MAPK6: variants seen among roughly 807,000 people sequenced by gnomAD.
The protein encoded by MAPK6 is mitogen-activated protein kinase 6.
In MAPK6, 19 loss-of-function variants were observed where a neutral mutation model predicts 59.3. The observed-to-expected ratio is 0.32, with a 90% CI of 0.22 to 0.47. The LOEUF (loss-of-function observed/expected upper bound fraction) is 0.47, where lower values mean the gene tolerates loss of function less well. Among genes scored for constraint, MAPK6 ranks in the 20% least tolerant of loss-of-function variants. The probability of loss-of-function intolerance (pLI) is 1.00; values close to 1 mark genes in which losing one functional copy is unlikely to be tolerated. For synonymous variants in MAPK6, 316 were observed against 290.3 expected (o/e 1.09, Z -0.90); for missense variants, 724 against 847.9 (o/e 0.85, Z 1.81).
rs375131138 is a variant in MAPK6 at position 52,064,000 on chromosome 15, C to T, written c.1166C>T (p.Thr389Ile). 3.3e-5 allele frequency: 54 copies of T among 1,613,548 alleles called. No homozygotes were observed. The highest frequency in any genetic ancestry group is 4.3e-5 in the Non-Finnish European group (51 of 1,179,736). Residue 389 changes from threonine (T) to isoleucine (I), a missense_variant, in exon 6 of 6, where the codon ACT becomes ATT. Transcript: ENST00000261845. The part of the protein sequence containing the change: ...QLDPRALSDV[T>I]DEEEVQVDPR... Reference sequence around the variant, plus strand: ...GATCCAAGAGCTCTGTCCGATGTCACTGATGAAGAAGAAGTACAAGTTGAT... The same window carrying T: ...GATCCAAGAGCTCTGTCCGATGTCATTGATGAAGAAGAAGTACAAGTTGAT...
At chr15:52,042,966 A>C (rs1379230546) in intron 1 of MAPK6, 1 of 152,154 alleles carries the variant, frequency 6.6e-6, no homozygotes, top group African/African-American at 2.4e-5. Flanking sequence ...TCTTCAAAAA[A>C]TACAAAAATT....
rs1177427147 is a variant in MAPK6, at chr15:52,066,820, G to C, written c.*1820G>C. The C allele has an allele frequency of 6.7e-6, 1 of 148,536 alleles. No individual in the cohort carries two copies. The highest frequency in any genetic ancestry group is 1.5e-5 in the Non-Finnish European group (1 of 67,064). 9.2% of individuals were successfully genotyped at this position (148,536 alleles called of 1,614,324 possible). A position where few individuals can be genotyped will look rare whatever the true frequency, so the allele number is the denominator to read the frequency against. ...TATATATTCATTTATTTATTTTCTG[G>C]TTGAATACTGTCACGTTATTAATTT... On this transcript the variant is annotated 3_prime_UTR_variant, in exon 6 of 6. Coordinates refer to ENST00000261845, the MANE Select transcript of MAPK6 (RefSeq NM_002748.4).
intron 1 of MAPK6, among the ~76,000 whole-genome samples, chr15:52,025,008 C>T (rs527313048): frequency 2.0e-5 from 3 of 150,346 alleles, no homozygotes; most frequent in East Asian, 2.0e-4. Flanking sequence ...TCATTCAGTG[C>T]GCATTCAGTT....
rs374025606 is a variant in MAPK6 at position 52,055,043 on chromosome 15, G to A, written c.701-3590G>A. On this transcript the variant is annotated intron_variant, in intron 3 of 5. Transcript: ENST00000261845. ...GATCTGTGTGCCTTGGCCTCCCACA[G>A]TGCTGGGATTACAGGCAAGAGCCAC... Among the ~76,000 whole-genome samples, 371 of 152,318 alleles carry A rather than the reference G, an allele frequency of 2.4e-3. 3 individuals carry two copies. The highest frequency in any genetic ancestry group is 8.6e-3 in the African/African-American group (359 of 41,582).
intron 2 of MAPK6, among the ~76,000 whole-genome samples, chr15:51,996,207 G>A (rs562264850): frequency 2.6e-5 from 4 of 152,034 alleles, no homozygotes; most frequent in Admixed American, 1.3e-4. Flanking sequence ...TCCCCTTATC[G>A]TATAACAGAA....
At chr15:52,000,933 C>G (rs1216345955) in intron 2 of MAPK6, among the ~76,000 whole-genome samples, 1 of 152,002 alleles carries the variant, frequency 6.6e-6, no homozygotes, top group African/African-American at 2.4e-5. Flanking sequence ...AATGGGTGAT[C>G]TTTTATCCCT....
intron 2 of MAPK6, among the ~76,000 whole-genome samples, chr15:51,999,698 C>T (rs1013576238): frequency 6.6e-6 from 1 of 152,114 alleles, no homozygotes; most frequent in African/African-American, 2.4e-5. Context: ...GGCTGGAATG[C>T]AGTGGTGCGA....
chr15:51,981,029 C>G (rs1268986663), intron 1 of MAPK6, among the ~76,000 whole-genome samples: 1 of 151,848 alleles, frequency 6.6e-6, no homozygotes, highest in East Asian at 1.9e-4. Context: ...TCCTGAACCT[C>G]TTTCCTCCAC....
exon 1 of MAPK6, chr15:51,971,858 C>T (rs2057127861): frequency 8.9e-7 from 1 of 1,123,070 alleles, no homozygotes; most frequent in South Asian, 1.3e-5. Context: ...ACACTCCTTT[C>T]CTTACGTGAC....
At chr15:52,043,710 T>C (rs182558599) in intron 1 of MAPK6, among the ~76,000 whole-genome samples, 46 of 143,604 alleles carry the variant, frequency 3.2e-4, no homozygotes, top group African/African-American at 1.1e-3. Flanking sequence ...AGCTAGATAA[T>C]AGCAAATGAT....
intron 1 of MAPK6, among the ~76,000 whole-genome samples, chr15:52,023,702 C>G (rs997071294): frequency 6.6e-6 from 1 of 152,272 alleles, no homozygotes; most frequent in African/African-American, 2.4e-5. Context: ...ACCTCCACCT[C>G]CTAGGTTCAA....
intron 2 of MAPK6, among the ~76,000 whole-genome samples, chr15:51,985,966 A>C (rs994001670): frequency 1.3e-5 from 2 of 151,920 alleles, no homozygotes; most frequent in African/African-American, 4.9e-5. Context: ...TCAAAAAAAA[A>C]ACAAAAAACA....
intron 3 of MAPK6, among the ~76,000 whole-genome samples, chr15:52,050,699 A>C (rs1285363128): frequency 6.6e-6 from 1 of 152,196 alleles, no homozygotes; most frequent in African/African-American, 2.4e-5. Flanking sequence ...TGCATCAGTG[A>C]TTGCTGGAAT....
chr15:52,016,527 T>C (rs1233264730), upstream of MAPK6, among the ~76,000 whole-genome samples: 1 of 152,218 alleles, frequency 6.6e-6, no homozygotes, highest in African/African-American at 2.4e-5. Context: ...AATAACTTGA[T>C]TGTGGTTTCA....
At chr15:52,055,704 C>T (rs1219234158) in intron 3 of MAPK6, among the ~76,000 whole-genome samples, 1 of 152,056 alleles carries the variant, frequency 6.6e-6, no homozygotes, top group Non-Finnish European at 1.5e-5. Context: ...TTAGTAGAGA[C>T]AGGATTTCAC....
chr15:51,977,768 C>A lies in MAPK6; in HGVS notation c.-879-5438C>A, dbSNP rs184163066. ...CTCAGAATGACTTCGAACTCCTGGC[C>A]TCAAGCGATCCTCCCACCTTGGCCT... On this transcript the variant is annotated intron_variant, in intron 1 of 7. Transcript: ENST00000691380. 3.3e-3 allele frequency among the ~76,000 whole-genome samples: 498 copies of A among 151,852 alleles called. 4 individuals are homozygous for A. The highest frequency in any genetic ancestry group is 0.011 in the African/African-American group (472 of 41,512).
chr15:52,041,584 C>G (rs1255649035), intron 1 of MAPK6, among the ~76,000 whole-genome samples: 1 of 152,206 alleles, frequency 6.6e-6, no homozygotes, highest in Non-Finnish European at 1.5e-5. Flanking sequence ...GATGCAGTGA[C>G]CATCTGCTGG....
intron 2 of MAPK6, among the ~76,000 whole-genome samples, chr15:51,990,525 T>C (rs2057204768): frequency 6.6e-6 from 1 of 152,226 alleles, no homozygotes; most frequent in African/African-American, 2.4e-5. Flanking sequence ...GATAAAAATA[T>C]GGGCTTATGG....
chr15:52,063,714 A>C (rs910170720), intron 5 of MAPK6, among the ~76,000 whole-genome samples, 188 bp from the exon 6 acceptor site: 1 of 152,242 alleles, frequency 6.6e-6, no homozygotes, highest in Non-Finnish European at 1.5e-5. Flanking sequence ...CTGCATTGGC[A>C]ATTACCAAAT....
Sources: gnomAD v4.1 joint callset for allele counts (sites outside exome capture counted in the v4.1 genomes callset) on GRCh38, gnomAD v4.1.1 for gene constraint, MANE v1.5 for transcripts, NCBI Gene and HGNC (gene_info 2026-07-23, HGNC 2026-07-21) for gene names.